Variants in ZSCAN21 observed in about 807,000 individuals in gnomAD.
ZSCAN21 encodes the protein zinc finger and SCAN domain-containing protein 21.
ZSCAN21 carries 26 observed loss-of-function variants against 35.6 expected under a neutral mutation model. That is an observed-to-expected ratio of 0.73 (90% CI 0.54 to 1.01). The LOEUF is 1.01. Among genes scored for constraint, ZSCAN21 ranks in the 50% least tolerant of loss-of-function variants. ZSCAN21 has a pLI of 0.00. For synonymous variants in ZSCAN21, 219 were observed against 219.3 expected (o/e 1.00, Z 0.01); for missense variants, 593 against 587.1 (o/e 1.01, Z -0.10).
chr7:100,063,831 G>C lies in ZSCAN21; in HGVS notation c.636G>C (p.Gln212His). 6.2e-7 allele frequency: 1 copy of C among 1,613,524 alleles called. No homozygotes were observed. The highest frequency in any genetic ancestry group is 8.5e-7 in the Non-Finnish European group (1 of 1,179,874). ...AGCACGAGGAATCAGCAGATGAGCA[G>C]AAAGGTTCTGAAGCAGAGGGGCTCA... ...STQHEESADE[Q>H]KGSEAEGLKG... Residue 212 changes from glutamine to histidine, a missense_variant, in exon 4 of 4, where the codon CAG becomes CAC. Transcript: ENST00000292450.
intron 3 of ZSCAN21, among the ~76,000 whole-genome samples, chr7:100,060,552 T>G (rs1456927709): frequency 2.3e-5 from 3 of 127,980 alleles, no homozygotes; most frequent in African/African-American, 6.0e-5. Context: ...CAGAGTGAGA[T>G]TCCATCTCAA....
chr7:100,051,282 C>CTTTTTTTTTTTTT (rs1164734568), intron 1 of ZSCAN21, among the ~76,000 whole-genome samples: 459 of 34,970 alleles, frequency 0.013, 169 homozygotes, highest in Middle Eastern at 0.067. Flanking sequence ...TAGGGATTTT[C>CTTTTTTTTTTTTT]TTTTTTTTTT....
intron 3 of ZSCAN21, among the ~76,000 whole-genome samples, chr7:100,059,551 CTTTT>C (rs11342747): frequency 0.011 from 901 of 83,240 alleles, 7 homozygotes; most frequent in African/African-American, 0.034. Flanking sequence ...TGCATAAAGT[CTTTT>C]TTTTTTTTTT....
Position 100,064,956 on chromosome 7 carries a change from T to G in ZSCAN21, c.*339T>G. The G allele has an allele frequency of 1.2e-6, 2 of 1,605,454 alleles. No homozygotes were observed. The highest frequency in any genetic ancestry group is 1.7e-6 in the Non-Finnish European group (2 of 1,174,614). On this transcript the variant is annotated 3_prime_UTR_variant, in exon 4 of 4. Coordinates refer to ENST00000292450, the MANE Select transcript of ZSCAN21 (RefSeq NM_145914.3). ...TTAAGATTGTTTAATTTTTAACATA[T>G]ATTCAAGAATTTTAATTTGTAAAGA...
At chr7:100,057,543 C>G in intron 2 of ZSCAN21, 138 bp downstream of exon 2, 1 of 1,381,912 alleles carries the variant, frequency 7.2e-7, no homozygotes, top group Non-Finnish European at 9.7e-7. Flanking sequence ...CTATTTTTCT[C>G]TATCATCCTA....
At position 100,056,951 on chromosome 7, in the gene ZSCAN21, C is replaced by CA. The variant is rs1792093204; in HGVS notation, c.-56_-55insA. 1.0e-5 allele frequency: 15 copies of CA among 1,487,336 alleles called. No individual in the cohort carries two copies. The highest frequency in any genetic ancestry group is 1.3e-5 in the Non-Finnish European group (15 of 1,114,838). 92.1% of individuals were successfully genotyped at this position (1,487,336 alleles called of 1,614,324 possible). On this transcript the variant is annotated 5_prime_UTR_variant, in exon 2 of 4. Transcript: ENST00000292450. The stretch of plus-strand genomic sequence containing the variant: ...CTAAAGAACTGGAAACCCAAAGGAA[C>CA]GAATATTCCTGCCCCACAGAGTCCC...
At chr7:100,061,774 C>G (rs1792297908) in intron 3 of ZSCAN21, among the ~76,000 whole-genome samples, 1 of 152,108 alleles carries the variant, frequency 6.6e-6, no homozygotes, top group African/African-American at 2.4e-5. Context: ...CAGGGCGGTT[C>G]CTAGGGAAGG....
At position 100,049,855 on chromosome 7, in the gene ZSCAN21, T is replaced by C. The variant is rs948070874; in HGVS notation, c.-97+14T>C. On this transcript the variant is annotated intron_variant, in intron 1 of 3. Coordinates refer to ENST00000292450, the MANE Select transcript of ZSCAN21 (RefSeq NM_145914.3). ...CTCTGATTCATGGTGAGCCTGCTGGTCGCGGGTTAGCGAGGCGGACAGGAG... is the reference window on the plus strand; with the variant it reads ...CTCTGATTCATGGTGAGCCTGCTGGCCGCGGGTTAGCGAGGCGGACAGGAG... 4 of 152,348 alleles carry C rather than the reference T, an allele frequency of 2.6e-5. No individual in the cohort carries two copies. The highest frequency in any genetic ancestry group is 9.6e-5 in the African/African-American group (4 of 41,470). The allele number at this position is 152,348 out of a possible 1,614,324, so 9.4% of individuals were successfully genotyped here.
intron 3 of ZSCAN21, among the ~76,000 whole-genome samples, chr7:100,063,457 C>G (rs541913059): frequency 6.6e-6 from 1 of 152,014 alleles, no homozygotes; most frequent in Admixed American, 6.6e-5. Flanking sequence ...CAAAAAATAG[C>G]TGGGTGTGGT....
In ZSCAN21 at chr7:100,051,282, C is replaced by CTTTTTTTTTTTTTTT. The variant is rs1164734568; in HGVS notation, c.-97+1456_-97+1470dup. ...GGCTGCCTAGGGATCTAGGGATTTTCTTTTTTTTTTTTTTTTTTTTTTTTT... is the reference window on the plus strand; with the variant it reads ...GGCTGCCTAGGGATCTAGGGATTTTCTTTTTTTTTTTTTTTTTTTTTTTTTTTTTTTTTTTTTTTT... On this transcript the variant is annotated intron_variant, in intron 1 of 3. Coordinates refer to ENST00000292450, the MANE Select transcript of ZSCAN21 (RefSeq NM_145914.3). Among the ~76,000 whole-genome samples, 242 of 34,964 alleles carry CTTTTTTTTTTTTTTT rather than the reference C, an allele frequency of 6.9e-3. 86 individuals are homozygous for CTTTTTTTTTTTTTTT. The highest frequency in any genetic ancestry group is 0.014 in the East Asian group (14 of 980). 22.9% of individuals were successfully genotyped at this position (34,964 alleles called of 152,430 possible).
At chr7:100,056,037 T>C (rs2116092739) in intron 1 of ZSCAN21, among the ~76,000 whole-genome samples, 1 of 151,534 alleles carries the variant, frequency 6.6e-6, no homozygotes, top group East Asian at 2.0e-4. Flanking sequence ...GTCTCCCGGG[T>C]TCACACCATT....
At position 100,056,991 on chromosome 7, in the gene ZSCAN21, T is replaced by C; in HGVS notation, c.-16T>C. ...CACAGAGTCCCATCTTTGGTGAGGC[T>C]GTTTCTGGAGTTTACATGATGACCA... On this transcript the variant is annotated 5_prime_UTR_variant, in exon 2 of 4. Coordinates refer to ENST00000292450, the MANE Select transcript of ZSCAN21 (RefSeq NM_145914.3). 4 of 1,563,004 alleles carry C rather than the reference T, an allele frequency of 2.6e-6. No individual in the cohort carries two copies. In the Middle Eastern group the frequency reaches 5.4e-4, roughly 209 times the overall value.
intron 3 of ZSCAN21, among the ~76,000 whole-genome samples, chr7:100,059,899 A>G (rs1409237663): frequency 6.6e-6 from 1 of 151,976 alleles, no homozygotes; most frequent in Non-Finnish European, 1.5e-5. Flanking sequence ...TGGTAGAGAC[A>G]GGGTTTCACC....
chr7:100,058,439 A>G (rs948156061), intron 3 of ZSCAN21, among the ~76,000 whole-genome samples: 17 of 152,200 alleles, frequency 1.1e-4, no homozygotes, highest in Non-Finnish European at 2.2e-4. Context: ...TTGTTCCCCA[A>G]TGACAAACTC....
chr7:100,062,326 C>T (rs1792347590), intron 3 of ZSCAN21, among the ~76,000 whole-genome samples: 1 of 134,372 alleles, frequency 7.4e-6, no homozygotes, highest in Admixed American at 8.4e-5. Context: ...TGTGGTGGTT[C>T]ATGCCTGTAA....
chr7:100,054,273 G>A (rs767317006), intron 1 of ZSCAN21, among the ~76,000 whole-genome samples: 7 of 149,934 alleles, frequency 4.7e-5, no homozygotes, highest in Non-Finnish European at 7.4e-5. Flanking sequence ...TTTTTGCAAC[G>A]GAGTCTCACT....
chr7:100,050,479 G>A (rs1367046653), intron 1 of ZSCAN21, among the ~76,000 whole-genome samples: 1 of 151,874 alleles, frequency 6.6e-6, no homozygotes, highest in Non-Finnish European at 1.5e-5. Context: ...GGCCGAGGCC[G>A]GCGGATCACT....
rs935407561 is a variant in ZSCAN21 at position 100,049,830 on chromosome 7, C to T, written c.-108C>T. On this transcript the variant is annotated 5_prime_UTR_variant, in exon 1 of 4. Transcript: ENST00000292450. ...TGCGGTCTCCCGGTACCCGGAGCGG[C>T]TCTGATTCATGGTGAGCCTGCTGGT... is the stretch of plus-strand genomic sequence containing the variant. 2.0e-5 allele frequency: 3 copies of T among 152,370 alleles called. No individual in the cohort carries two copies. The highest frequency in any genetic ancestry group is 7.2e-5 in the African/African-American group (3 of 41,478). The allele number at this position is 152,370 out of a possible 1,614,324, so 9.4% of individuals were successfully genotyped here.
Position 100,063,865 on chromosome 7 carries a change from A to G in ZSCAN21, c.670A>G (p.Ile224Val), listed in dbSNP as rs769327513. ...TGAAGCAGAGGGGCTCAAAGGGGATATAATTTCTGTGATTATCGCCAATAA... is the reference window on the plus strand; with the variant it reads ...TGAAGCAGAGGGGCTCAAAGGGGATGTAATTTCTGTGATTATCGCCAATAA... ...GSEAEGLKGD[I>V]ISVIIANKPE... is the part of the protein sequence containing the mutation. The change falls in exon 4 of 4, where the codon ATA becomes GTA. Residue 224 changes from isoleucine to valine, a missense_variant. By Grantham distance (29) the Ile-to-Val change is conservative. Transcript: ENST00000292450. The G allele has an allele frequency of 1.2e-6, 2 of 1,614,172 alleles. No individual in the cohort carries two copies. The highest frequency in any genetic ancestry group is 1.1e-5 in the South Asian group (1 of 91,082).
Sources: allele counts gnomAD v4.1 joint callset (sites outside exome capture counted in the v4.1 genomes callset), GRCh38; gene constraint gnomAD v4.1.1; transcripts MANE v1.5; gene names NCBI Gene and HGNC (gene_info 2026-07-23, HGNC 2026-07-21).